The following SOX5 variants were observed in gnomAD, a reference collection of about 807,000 sequenced individuals.
SOX5 encodes the protein SRY-box transcription factor 5.
A neutral mutation model predicts 92.0 loss-of-function variants in SOX5; 9 were observed. That is an observed-to-expected ratio of 0.10 (90% CI 0.06 to 0.17). The LOEUF (loss-of-function observed/expected upper bound fraction) is 0.17. Among genes scored for constraint, SOX5 ranks in the 10% least tolerant of loss-of-function variants. The probability of loss-of-function intolerance (pLI) is 1.00; values close to 1 mark genes in which losing one functional copy is unlikely to be tolerated. For synonymous variants in SOX5, 344 were observed against 336.3 expected (o/e 1.02, Z -0.25); for missense variants, 642 against 944.5 (o/e 0.68, Z 4.20).
intron 1 of SOX5, among the ~76,000 whole-genome samples, chr12:24,440,776 G>A (rs765828728): frequency 1.3e-5 from 2 of 152,140 alleles, no homozygotes; most frequent in Non-Finnish European, 2.9e-5. Context: ...GGCAAAGGGA[G>A]ACAAACAAGT....
At chr12:24,261,714 G>C (rs528996540) in intron 3 of SOX5, among the ~76,000 whole-genome samples, 11 of 152,132 alleles carry the variant, frequency 7.2e-5, no homozygotes, top group African/African-American at 4.8e-5. Flanking sequence ...TGAACTACAC[G>C]GTTTTTTCTG....
In SOX5 at chr12:24,038,228, C is replaced by T. The variant is rs370321717; in HGVS notation, c.-1-142204G>A. ...ATGTGGAAGTTTCTTCAGAGTAAAA[C>T]GTGTATCTTGGGTTCCCAGGAAGCT... is the stretch of plus-strand genomic sequence containing the variant. On this transcript the variant is annotated intron_variant, in intron 4 of 4. Transcript: ENST00000446891. 4.7e-4 allele frequency among the ~76,000 whole-genome samples: 72 copies of T among 152,244 alleles called. 1 individual carries two copies. The South Asian group carries it at 0.013, about 28-fold the overall frequency.
chr12:23,847,046 T>G (rs1054880119), intron 2 of SOX5, among the ~76,000 whole-genome samples: 1 of 152,146 alleles, frequency 6.6e-6, no homozygotes, highest in Non-Finnish European at 1.5e-5. Context: ...ATCTGGTAAT[T>G]TGTATAATAT....
chr12:23,984,474 G>A (rs1323053549), intron 4 of SOX5, among the ~76,000 whole-genome samples: 1 of 152,172 alleles, frequency 6.6e-6, no homozygotes, highest in East Asian at 1.9e-4. Context: ...GGAGGTTGGT[G>A]TATTTCCTAC....
chr12:23,761,992 T>C (rs1183195114), intron 3 of SOX5, among the ~76,000 whole-genome samples: 1 of 152,148 alleles, frequency 6.6e-6, no homozygotes, highest in Non-Finnish European at 1.5e-5. Context: ...ATAATAAAAT[T>C]ATTTTTGAGG....
intron 6 of SOX5, among the ~76,000 whole-genome samples, chr12:23,707,461 T>G (rs1395163251): frequency 6.6e-6 from 1 of 152,126 alleles, no homozygotes; most frequent in Non-Finnish European, 1.5e-5. Context: ...TGGCATTCAC[T>G]TGGCTTCAAA....
intron 1 of SOX5, among the ~76,000 whole-genome samples, chr12:24,388,694 TCAC>T (rs1317907746): frequency 2.0e-5 from 3 of 152,198 alleles, no homozygotes; most frequent in Non-Finnish European, 2.9e-5. Flanking sequence ...TGTTCAATCA[TCAC>T]CACCAATTTT....
At chr12:23,665,713 T>C in intron 6 of SOX5, 149 bp from the exon 7 acceptor site, 1 of 863,810 alleles carries the variant, frequency 1.2e-6, no homozygotes, top group East Asian at 2.7e-5. Flanking sequence ...CTTGAGGATA[T>C]GCTTTGGGAC....
intron 4 of SOX5, among the ~76,000 whole-genome samples, chr12:24,141,378 G>A (rs1293948391): frequency 6.6e-6 from 1 of 152,182 alleles, no homozygotes; most frequent in African/African-American, 2.4e-5. Flanking sequence ...ATGGAAGACA[G>A]TGGATATATT....
At chr12:24,554,495 A>C (rs1341067664) in intron 1 of SOX5, among the ~76,000 whole-genome samples, 1 of 152,172 alleles carries the variant, frequency 6.6e-6, no homozygotes, top group Admixed American at 6.5e-5. Flanking sequence ...CTGGGCACAG[A>C]TTCCCTAGAG....
chr12:23,582,145 C>T (rs1206691771), intron 9 of SOX5: 1 of 985,018 alleles, frequency 1.0e-6, no homozygotes, highest in African/African-American at 1.7e-5. Flanking sequence ...GCATAATGTG[C>T]ACTGTTGCCG....
intron 3 of SOX5, among the ~76,000 whole-genome samples, chr12:23,767,121 C>G (rs946721251): frequency 6.6e-6 from 1 of 151,678 alleles, no homozygotes; most frequent in Non-Finnish European, 1.5e-5. Context: ...GTGGGAGGAG[C>G]CTTTGAGCCT....
At chr12:23,658,619 A>C (rs1301683880) in intron 7 of SOX5, among the ~76,000 whole-genome samples, 1 of 152,164 alleles carries the variant, frequency 6.6e-6, no homozygotes. Flanking sequence ...CCAGCTGGGC[A>C]TGGTGGCTCA....
chr12:23,575,942 C>G (rs1194024111), intron 9 of SOX5, 104 bp from the exon 10 acceptor site: 1 of 804,726 alleles, frequency 1.2e-6, no homozygotes, highest in Admixed American at 3.1e-5. Flanking sequence ...AATTACTCTA[C>G]CAATCAGTGA....
intron 2 of SOX5, among the ~76,000 whole-genome samples, chr12:23,846,470 A>G (rs2096576521): frequency 6.6e-6 from 1 of 152,206 alleles, no homozygotes; most frequent in Non-Finnish European, 1.5e-5. Flanking sequence ...GGAGAAACCA[A>G]ATATGGAGAT....
At chr12:24,348,041 C>A (rs1953537583) in intron 2 of SOX5, among the ~76,000 whole-genome samples, 4 of 56,742 alleles carry the variant, frequency 7.0e-5, no homozygotes, top group African/African-American at 7.2e-5. Context: ...AGAGATAATA[C>A]AGCTAATCAA....
At position 23,834,167 on chromosome 12, in the gene SOX5, G is replaced by A. The variant is rs116243894; in HGVS notation, c.481+11816C>T. ...AAGTGAATAAAAATTCATCAGGTAGGTAAGACGGGAAACGACATTTAAGGC... is the reference window on the plus strand; with the variant it reads ...AAGTGAATAAAAATTCATCAGGTAGATAAGACGGGAAACGACATTTAAGGC... On this transcript the variant is annotated intron_variant, in intron 3 of 14. Transcript: ENST00000451604. Among the ~76,000 whole-genome samples the A allele has an allele frequency of 5.4e-3, 814 of 152,030 alleles. 8 individuals carry two copies. The highest frequency in any genetic ancestry group is 0.018 in the African/African-American group (755 of 41,552).
chr12:24,322,908 T>C (rs1323576420), intron 2 of SOX5, among the ~76,000 whole-genome samples: 2 of 152,144 alleles, frequency 1.3e-5, no homozygotes, highest in African/African-American at 4.8e-5. Context: ...CCCCAAAGGT[T>C]CAAATTTAAA....
intron 2 of SOX5, among the ~76,000 whole-genome samples, chr12:23,848,888 T>C (rs1289132645): frequency 6.6e-6 from 1 of 152,234 alleles, no homozygotes; most frequent in Non-Finnish European, 1.5e-5. Context: ...ATAAAGTTGA[T>C]AATCTTCCTT....
Sources: gnomAD v4.1 joint callset for allele counts (sites outside exome capture counted in the v4.1 genomes callset) on GRCh38, gnomAD v4.1.1 for gene constraint, MANE v1.5 for transcripts, NCBI Gene and HGNC (gene_info 2026-07-23, HGNC 2026-07-21) for gene names.